USP24: variants seen among roughly 807,000 people sequenced by gnomAD.
USP24 encodes ubiquitin specific peptidase 24, also known as ubiquitin carboxyl-terminal hydrolase 24.
USP24 carries 97 observed loss-of-function variants against 361.6 expected under a neutral mutation model. The observed-to-expected ratio is 0.27, with a 90% confidence interval of 0.23 to 0.32. The LOEUF (loss-of-function observed/expected upper bound fraction) is 0.32. USP24 is among the 10% of genes least tolerant of loss of function. USP24 has a pLI of 1.00. For missense variants in USP24, 2,353 were observed against 3,165.6 expected, an observed-to-expected ratio of 0.74 and a Z score of 6.16; for synonymous variants, 1,098 against 1,124.6, an observed-to-expected ratio of 0.98 and a Z score of 0.47.
chr1:55,154,043 G>A, intron 15 of USP24, 76 bp downstream of exon 15: 1 of 1,596,964 alleles, frequency 6.3e-7, no homozygotes, highest in African/African-American at 1.3e-5. Flanking sequence ...TAACAGGGGA[G>A]GAAAATTATT....
chr1:55,090,298 T>C (rs183107001), intron 54 of USP24, among the ~76,000 whole-genome samples: 55 of 152,222 alleles, frequency 3.6e-4, no homozygotes, highest in African/African-American at 1.3e-3. Context: ...AATGGCCATA[T>C]AAACAAAATG....
chr1:55,176,538 T>C (rs1385017852), intron 2 of USP24, 95 bp from the exon 3 acceptor site: 7 of 1,164,282 alleles, frequency 6.0e-6, no homozygotes, highest in Non-Finnish European at 8.6e-6. Context: ...TTTAGGTCTT[T>C]GGTAGTTCGT....
chr1:55,198,867 T>A (rs1353599578), intron 1 of USP24, among the ~76,000 whole-genome samples: 1 of 152,210 alleles, frequency 6.6e-6, no homozygotes, highest in East Asian at 1.9e-4. Context: ...TAATAAATAA[T>A]AAAATATCCT....
At chr1:55,137,402 C>A in intron 28 of USP24, 113 bp downstream of exon 28, 1 of 1,273,358 alleles carries the variant, frequency 7.9e-7, no homozygotes, top group Non-Finnish European at 1.0e-6. Context: ...AATAACACAA[C>A]AAGCTTGAAC....
At chr1:55,089,497 A>G in intron 55 of USP24, 130 bp downstream of exon 55, 1 of 653,830 alleles carries the variant, frequency 1.5e-6, no homozygotes, top group South Asian at 2.2e-5. Flanking sequence ...GTTTCAGTGA[A>G]GAGAGTTTAA....
At chr1:55,104,046 T>C (rs1220587981) in intron 41 of USP24, 26 bp from the exon 42 acceptor site, 8 of 1,579,910 alleles carry the variant, frequency 5.1e-6, no homozygotes, top group Non-Finnish European at 6.9e-6. Context: ...ACAAGTCAAT[T>C]TCAACAATGA....
At chr1:55,097,918 T>C in intron 47 of USP24, 25 bp downstream of exon 47, 1 of 1,574,480 alleles carries the variant, frequency 6.4e-7, no homozygotes, top group Non-Finnish European at 8.6e-7. Context: ...TTAATCTTGT[T>C]TTTTAAAAAG....
chr1:55,197,143 C>T (rs890720694), intron 1 of USP24, among the ~76,000 whole-genome samples: 1 of 152,194 alleles, frequency 6.6e-6, no homozygotes, highest in South Asian at 2.1e-4. Flanking sequence ...CAGATAACCA[C>T]AGTTGGCTTC....
intron 65 of USP24, 77 bp from the exon 66 acceptor site, chr1:55,072,480 T>C (rs1393803256): frequency 5.7e-6 from 7 of 1,235,238 alleles, no homozygotes; most frequent in Non-Finnish European, 8.0e-6. Context: ...CCATTAGATA[T>C]TGAGTCTTAA....
rs758431527 is a variant in USP24 at position 55,083,756 on chromosome 1, GA to G, written c.6882+15del. 9 of 1,539,794 alleles carry G rather than the reference GA, an allele frequency of 5.8e-6. 1 individual carries two copies. The Admixed American group carries it at 6.1e-5, about 10-fold the overall frequency. ...CTTCTGTATTAGGAAAAGATATTAG[GA>G]AAAAAATTATTTACCTTTTGTACAA... On this transcript the variant is annotated intron_variant, in intron 57 of 67. Coordinates refer to ENST00000294383, the MANE Select transcript of USP24 (RefSeq NM_015306.3).
At chr1:55,073,555 A>C (rs557892993) in intron 64 of USP24, among the ~76,000 whole-genome samples, 2 of 152,208 alleles carry the variant, frequency 1.3e-5, no homozygotes, top group Non-Finnish European at 2.9e-5. Flanking sequence ...TCTTGCTCTT[A>C]AAGCCTCCAT....
At position 55,106,187 on chromosome 1, in the gene USP24, T is replaced by C; in HGVS notation, c.4839A>G (p.Pro1613=). 1 of 1,613,978 alleles carries C rather than the reference T, an allele frequency of 6.2e-7. No homozygotes were observed. The highest frequency in any genetic ancestry group is 8.5e-7 in the Non-Finnish European group (1 of 1,179,844). The change falls in exon 41 of 68, where the codon CCA becomes CCG. Residue 1613 remains proline (P), a synonymous_variant. Coordinates refer to ENST00000294383, the MANE Select transcript of USP24 (RefSeq NM_015306.3). ...ASRIILNSHS[P]AGSAAISQQD... The stretch of plus-strand genomic sequence containing the variant: ...GTTGACTGATGGCGGCACTGCCAGC[T>C]GGAGAATGACTATTTAAAATAATTC...
intron 39 of USP24, 86 bp downstream of exon 39, chr1:55,110,099 T>C (rs1486415600): frequency 1.3e-5 from 15 of 1,155,424 alleles, no homozygotes; most frequent in South Asian, 1.6e-5. Flanking sequence ...ACCTGAGATA[T>C]GTAAATCATA....
chr1:55,172,346 C>A, intron 4 of USP24, 31 bp downstream of exon 4: 1 of 1,535,922 alleles, frequency 6.5e-7, no homozygotes, highest in Non-Finnish European at 8.7e-7. Flanking sequence ...AAAATCAAAA[C>A]ACAAAGTACT....
At chr1:55,141,776 T>C in intron 23 of USP24, 45 bp from the exon 24 acceptor site, 2 of 1,506,024 alleles carry the variant, frequency 1.3e-6, no homozygotes, top group Non-Finnish European at 1.8e-6. Flanking sequence ...TTTCTCAACC[T>C]GGACTCTAGT....
chr1:55,141,182 C>T (rs188528683), intron 24 of USP24, among the ~76,000 whole-genome samples: 1 of 151,766 alleles, frequency 6.6e-6, no homozygotes, highest in East Asian at 1.9e-4. Flanking sequence ...TTCTGCTTAC[C>T]CTATTAATGC....
chr1:55,097,533 G>GA (rs1050138647), intron 48 of USP24, 65 bp downstream of exon 48: 422 of 1,483,184 alleles, frequency 2.8e-4, no homozygotes, highest in South Asian at 6.0e-4. Context: ...ATTGAAAAAG[G>GA]AAAAAAAAAG....
chr1:55,141,493 A>G, intron 24 of USP24, 123 bp downstream of exon 24: 1 of 873,944 alleles, frequency 1.1e-6, no homozygotes, highest in Non-Finnish European at 1.8e-6. Flanking sequence ...GGATTATGAC[A>G]GCTTGCAAAA....
chr1:55,125,886 G>T, intron 32 of USP24, 128 bp from the exon 33 acceptor site: 1 of 738,276 alleles, frequency 1.4e-6, no homozygotes, highest in Non-Finnish European at 2.2e-6. Flanking sequence ...CATAAAAAGA[G>T]CCTACATATA....
Sources: allele counts gnomAD v4.1 joint callset (sites outside exome capture counted in the v4.1 genomes callset), GRCh38; gene constraint gnomAD v4.1.1; transcripts MANE v1.5; gene names NCBI Gene and HGNC (gene_info 2026-07-23, HGNC 2026-07-21).